The following IHO1 variants were observed in gnomAD, a reference collection of about 807,000 sequenced individuals.
IHO1 encodes the protein interactor of HORMAD1 1.
A neutral mutation model predicts 31.0 loss-of-function variants in IHO1; 13 were observed. That is an observed-to-expected ratio of 0.42 (90% CI 0.27 to 0.67). The LOEUF is 0.67. Ranked by LOEUF, IHO1 falls within the 30% of genes least tolerant of loss-of-function variation. The pLI, the probability that IHO1 is intolerant of heterozygous loss-of-function variation, is 0.24. For missense variants in IHO1, 599 were observed against 687.5 expected (o/e 0.87, Z 1.44); for synonymous variants, 221 against 248.4 (o/e 0.89, Z 1.04).
At chr3:49,210,599 A>C (rs891713249) in intron 1 of IHO1, among the ~76,000 whole-genome samples, 1 of 150,988 alleles carries the variant, frequency 6.6e-6, no homozygotes, top group Non-Finnish European at 1.5e-5. Context: ...GGGTTTCTTC[A>C]TGTTGGCCAG....
At chr3:49,211,400 A>G (rs945721674) in intron 1 of IHO1, among the ~76,000 whole-genome samples, 3 of 152,106 alleles carry the variant, frequency 2.0e-5, no homozygotes, top group African/African-American at 7.2e-5. Context: ...ATACCTAAGT[A>G]TTTCTTTTTT....
the IHO1 span, among the ~76,000 whole-genome samples, chr3:49,192,283 G>C: frequency 6.6e-6 from 1 of 152,158 alleles, no homozygotes. Flanking sequence ...ATCATGACAG[G>C]TGAAATGTTA....
chr3:49,241,562 G>C (rs1048575533), intron 4 of IHO1, among the ~76,000 whole-genome samples, 173 bp downstream of exon 4: 12 of 149,632 alleles, frequency 8.0e-5, no homozygotes, highest in African/African-American at 9.9e-5. Context: ...CACACACACA[G>C]ACACACAAAC....
At position 49,236,535 on chromosome 3, in the gene IHO1, T is replaced by C; in HGVS notation, c.57-13T>C. The C allele has an allele frequency of 6.3e-7, 1 of 1,580,180 alleles. No homozygotes were observed. The highest frequency in any genetic ancestry group is 8.7e-7 in the Non-Finnish European group (1 of 1,153,060). ...TTTGTCTATTTGATACACTTTTTTT[T>C]GCTAAATTTCAGGAACAAGAAGTCA... On this transcript the variant is annotated splice_polypyrimidine_tract_variant and intron_variant, in intron 2 of 7. Coordinates refer to ENST00000452691, the MANE Select transcript of IHO1 (RefSeq NM_001135197.2).
At chr3:49,192,317 G>T in the IHO1 span, among the ~76,000 whole-genome samples, 15 of 152,290 alleles carry the variant, frequency 9.8e-5, no homozygotes, top group Non-Finnish European at 1.9e-4. Context: ...AAGGAATAGG[G>T]CATAACAGAA....
At chr3:49,237,887 CTTTTTTTTTTTTTTTT>C (rs574951773) in intron 3 of IHO1, among the ~76,000 whole-genome samples, 3 of 51,442 alleles carry the variant, frequency 5.8e-5, no homozygotes, top group Middle Eastern at 0.019. Context: ...CTGTCTTTTC[CTTTTTTTTTTTTTTTT>C]TTTTTTTTTT....
intron 2 of IHO1, among the ~76,000 whole-genome samples, chr3:49,225,906 T>G (rs1020570298): frequency 6.6e-6 from 1 of 152,148 alleles, no homozygotes; most frequent in Non-Finnish European, 1.5e-5. Flanking sequence ...TGACATGAGC[T>G]GGCGCTTGCC....
chr3:49,226,862 G>A (rs1034713855), intron 2 of IHO1, among the ~76,000 whole-genome samples: 2 of 152,130 alleles, frequency 1.3e-5, no homozygotes, highest in Non-Finnish European at 2.9e-5. Context: ...AATCAGAGAG[G>A]GAGAAGTGGA....
chr3:49,233,061 T>C (rs2046502387), intron 2 of IHO1, among the ~76,000 whole-genome samples: 1 of 152,192 alleles, frequency 6.6e-6, no homozygotes, highest in Admixed American at 6.5e-5. Context: ...CATTGCAGAA[T>C]AGGCACAGGT....
At chr3:49,253,826 G>A (rs1033668805) in intron 6 of IHO1, among the ~76,000 whole-genome samples, 1 of 109,706 alleles carries the variant, frequency 9.1e-6, no homozygotes, top group African/African-American at 3.4e-5. Flanking sequence ...GGCTTTATTT[G>A]TCTTTTTTTT....
chr3:49,196,979 C>CTTTTTTTTTTT (rs1162418107), upstream of IHO1, among the ~76,000 whole-genome samples: 1 of 94,312 alleles, frequency 1.1e-5, no homozygotes, highest in African/African-American at 4.0e-5. Flanking sequence ...CACGTTTTTA[C>CTTTTTTTTTTT]TTTTTTTTTT....
intron 6 of IHO1, among the ~76,000 whole-genome samples, chr3:49,246,038 T>C (rs1016002735): frequency 4.0e-5 from 6 of 151,606 alleles, no homozygotes; most frequent in African/African-American, 1.5e-4. Flanking sequence ...AAAAATTAGC[T>C]GGGTGTGGTG....
intron 2 of IHO1, among the ~76,000 whole-genome samples, chr3:49,233,741 C>T (rs1027899881): frequency 2.0e-5 from 3 of 152,210 alleles, no homozygotes; most frequent in African/African-American, 7.2e-5. Context: ...CAAAACTGGC[C>T]ATAAACAAAA....
chr3:49,239,850 G>A (rs1023859174), intron 3 of IHO1, among the ~76,000 whole-genome samples: 4 of 151,460 alleles, frequency 2.6e-5, no homozygotes, highest in Admixed American at 6.6e-5. Context: ...TAGTAGAGAC[G>A]GGGTTTCTCC....
upstream of IHO1, among the ~76,000 whole-genome samples, chr3:49,193,938 G>A (rs531415420): frequency 3.3e-5 from 5 of 150,782 alleles, no homozygotes; most frequent in South Asian, 1.0e-3. Context: ...CTCCAGCCTG[G>A]GTGACGGAGT....
At position 49,236,713 on chromosome 3, in the gene IHO1, C is replaced by G; in HGVS notation, c.222C>G (p.Asn74Lys). ...GACATTCAAAACAGTCACAACAGAA[C>G]TATCTGGAGGTGAGTCTGGTTTCCA... ...HLRHSKQSQQ[N>K]YLEGEPSIFT... The change falls in exon 3 of 8, where the codon AAC becomes AAG. Residue 74 changes from asparagine to lysine, a missense_variant. Coordinates refer to ENST00000452691, the MANE Select transcript of IHO1 (RefSeq NM_001135197.2). 1 of 1,612,830 alleles carries G rather than the reference C, an allele frequency of 6.2e-7. No individual in the cohort carries two copies. The highest frequency in any genetic ancestry group is 8.5e-7 in the Non-Finnish European group (1 of 1,179,580).
chr3:49,237,115 C>G (rs907037528), intron 3 of IHO1, among the ~76,000 whole-genome samples: 1 of 151,334 alleles, frequency 6.6e-6, no homozygotes, highest in Non-Finnish European at 1.5e-5. Context: ...TTTGGGAGGC[C>G]GAGGCAGGTG....
rs565921507 is a variant in IHO1, at chr3:49,256,591, C to T, written c.1094C>T (p.Thr365Ile). The T allele has an allele frequency of 4.3e-6, 7 of 1,614,108 alleles. No individual in the cohort carries two copies. The highest frequency in any genetic ancestry group is 5.9e-6 in the Non-Finnish European group (7 of 1,180,048). ...TNCKNWAVTK[T>I]GAKNHGSSVP... ...TGCAAGAACTGGGCTGTTACTAAAA[C>T]AGGTGCCAAGAACCATGGTTCCAGC... The change falls in exon 8 of 8, where the codon ACA becomes ATA. Residue 365 changes from threonine to isoleucine, a missense_variant. Thr to Ile is a moderately conservative substitution (Grantham distance 89). Transcript: ENST00000452691. The surrounding 1 kb of genome is among the most constrained non-coding windows in gnomAD (Gnocchi z 4.6).
chr3:49,252,605 A>G (rs1292883685), intron 6 of IHO1, among the ~76,000 whole-genome samples: 1 of 152,000 alleles, frequency 6.6e-6, no homozygotes, highest in Non-Finnish European at 1.5e-5. Context: ...TTCATTTTGT[A>G]GAGACAGGAT....
Sources: gnomAD v4.1 joint callset for allele counts (sites outside exome capture counted in the v4.1 genomes callset) on GRCh38, gnomAD v4.1.1 for gene constraint, Gnocchi (gnomAD v3.1) non-coding constraint, MANE v1.5 for transcripts, NCBI Gene and HGNC (gene_info 2026-07-23, HGNC 2026-07-21) for gene names.